The following DNM1L variants were observed in gnomAD, a reference collection of about 807,000 sequenced individuals.
The protein encoded by DNM1L is dynamin 1L.
DNM1L carries 33 observed loss-of-function variants against 92.8 expected under a neutral mutation model. That is an observed-to-expected ratio of 0.36 (90% CI 0.27 to 0.48). The LOEUF (loss-of-function observed/expected upper bound fraction) is 0.48, where lower values mean the gene tolerates loss of function less well. DNM1L is among the 20% of genes least tolerant of loss of function. The pLI, the probability that DNM1L is intolerant of heterozygous loss-of-function variation, is 0.99. For missense variants in DNM1L, 485 were observed against 888.8 expected, an observed-to-expected ratio of 0.55 and a Z score of 5.78; for synonymous variants, 284 against 305.0, an observed-to-expected ratio of 0.93 and a Z score of 0.72.
intron 9 of DNM1L, chr12:32,726,499 C>T (rs1954153711): frequency 1.9e-6 from 2 of 1,062,146 alleles, no homozygotes; most frequent in African/African-American, 3.1e-5. Flanking sequence ...TCATACTCAT[C>T]ATCATCATCT....
At chr12:32,721,645 G>A (rs1953811464) in intron 8 of DNM1L, among the ~76,000 whole-genome samples, 1 of 152,098 alleles carries the variant, frequency 6.6e-6, no homozygotes, top group Non-Finnish European at 1.5e-5. Context: ...TTCTCCAGGG[G>A]ATTCTAGCTG....
At chr12:32,719,768 A>G (rs955968884) in intron 7 of DNM1L, among the ~76,000 whole-genome samples, 4 of 152,154 alleles carry the variant, frequency 2.6e-5, no homozygotes, top group African/African-American at 4.8e-5. Context: ...ACTGTGAGCA[A>G]TTTGCAAATG....
In DNM1L at chr12:32,731,218, A is replaced by G. The variant is rs1592662447; in HGVS notation, c.1200+84A>G. 6.3e-7 allele frequency: 1 copy of G among 1,596,852 alleles called. No homozygotes were observed. Among genetic ancestry groups the G allele is most frequent in the East Asian group, 2.2e-5 (1 of 44,750 alleles). ...CATATACTGTGTCTTTTTAAATTTA[A>G]TTATACAGTTTATTTTGCTCTCATA... On this transcript the variant is annotated intron_variant, in intron 10 of 19. Coordinates refer to ENST00000549701, the MANE Select transcript of DNM1L (RefSeq NM_012062.5). The surrounding 1 kb of genome is among the most constrained non-coding windows in gnomAD (Gnocchi z 5.1).
At chr12:32,721,200 C>G (rs997771523) in intron 8 of DNM1L, among the ~76,000 whole-genome samples, 2 of 152,114 alleles carry the variant, frequency 1.3e-5, no homozygotes, top group African/African-American at 4.8e-5. Flanking sequence ...AATAGAATGT[C>G]TTTTATTTCT....
At chr12:32,693,926 A>C (rs1045147664) in intron 1 of DNM1L, among the ~76,000 whole-genome samples, 1 of 152,104 alleles carries the variant, frequency 6.6e-6, no homozygotes, top group Non-Finnish European at 1.5e-5. Context: ...GGCATGTGCC[A>C]CCTCGCCTGG....
intron 1 of DNM1L, among the ~76,000 whole-genome samples, chr12:32,689,720 G>C (rs1952161913): frequency 6.6e-6 from 1 of 152,092 alleles, no homozygotes; most frequent in African/African-American, 2.4e-5. Flanking sequence ...GTTGAATAAG[G>C]GATCAGCTTT....
At chr12:32,722,890 T>C (rs1953872710) in intron 9 of DNM1L, 1 of 161,004 alleles carries the variant, frequency 6.2e-6, no homozygotes, top group Non-Finnish European at 1.3e-5. Flanking sequence ...TTATAAGTAT[T>C]TAATAAGTAT....
At chr12:32,733,688 A>G (rs1361796738) in intron 12 of DNM1L, 27 bp from the exon 13 acceptor site, 10 of 1,579,626 alleles carry the variant, frequency 6.3e-6, no homozygotes, top group Admixed American at 1.7e-5. Context: ...GTATTTTTGT[A>G]TATCGCCTAA....
Position 32,740,249 on chromosome 12 carries a change from T to C in DNM1L, c.1884+9T>C. On this transcript the variant is annotated intron_variant, in intron 17 of 19. Coordinates refer to ENST00000549701, the MANE Select transcript of DNM1L (RefSeq NM_012062.5). ...TGAACCTGCTAGATGTGGTAAGCCATGACAATTTGGTTTAGGTAATAAGGT... is the reference window on the plus strand; with the variant it reads ...TGAACCTGCTAGATGTGGTAAGCCACGACAATTTGGTTTAGGTAATAAGGT... 1.2e-6 allele frequency: 2 copies of C among 1,614,192 alleles called. No individual in the cohort carries two copies. Among genetic ancestry groups the C allele is most frequent in the South Asian group, 1.1e-5 (1 of 91,084 alleles).
In DNM1L at chr12:32,745,184, A is replaced by G. The variant is rs575290395; in HGVS notation, c.*1774A>G. The G allele has an allele frequency of 6.7e-5, 17 of 252,408 alleles. No individual in the cohort carries two copies. Among genetic ancestry groups the G allele is most frequent in the Non-Finnish European group, 1.3e-4 (17 of 128,164 alleles). 15.6% of individuals were successfully genotyped at this position (252,408 alleles called of 1,614,324 possible). On this transcript the variant is annotated 3_prime_UTR_variant, in exon 20 of 20. Transcript: ENST00000549701. ...AAAACGTTTGTTACCACACTTAAAA[A>G]TCACTGCCATCATTAAGCATCAGTT...
intron 6 of DNM1L, among the ~76,000 whole-genome samples, chr12:32,715,857 TTTC>T (rs1460616183): frequency 1.3e-5 from 2 of 152,206 alleles, no homozygotes; most frequent in Non-Finnish European, 1.5e-5. Flanking sequence ...AGTCTGGCAG[TTTC>T]TTATAAAGTT....
rs746684556 is a variant in DNM1L at position 32,745,001 on chromosome 12, T to C, written c.*1591T>C. The C allele has an allele frequency of 1.9e-6, 1 of 517,482 alleles. No individual in the cohort carries two copies. The highest frequency in any genetic ancestry group is 1.4e-5 in the South Asian group (1 of 71,024). The allele number at this position is 517,482 out of a possible 1,614,324, so 32.1% of individuals were successfully genotyped here. ...TATGAAGGACTATTGGCAGGGAAAA[T>C]ATGAATATGTTAACTTTAGCTTATG... On this transcript the variant is annotated 3_prime_UTR_variant, in exon 20 of 20. Transcript: ENST00000549701.
At chr12:32,743,040 C>T (rs753467813) in intron 19 of DNM1L, among the ~76,000 whole-genome samples, 21 of 151,616 alleles carry the variant, frequency 1.4e-4, no homozygotes, top group South Asian at 4.2e-4. Flanking sequence ...GGACTACAGG[C>T]GCCCACCACC....
At chr12:32,742,249 C>T (rs1209889763) in intron 18 of DNM1L, among the ~76,000 whole-genome samples, 21 of 152,134 alleles carry the variant, frequency 1.4e-4, no homozygotes, top group Admixed American at 1.4e-3. Flanking sequence ...GGATCACAGG[C>T]ATGTGCCACC....
At chr12:32,712,132 T>G (rs1256137936) in intron 5 of DNM1L, among the ~76,000 whole-genome samples, 4 of 152,220 alleles carry the variant, frequency 2.6e-5, no homozygotes, top group Non-Finnish European at 5.9e-5. Context: ...TGATCTCATC[T>G]TAGTAGACAG....
At chr12:32,700,564 T>C (rs974571634) in intron 1 of DNM1L, among the ~76,000 whole-genome samples, 2 of 151,736 alleles carry the variant, frequency 1.3e-5, no homozygotes, top group Non-Finnish European at 2.9e-5. Context: ...CTAGGCAACA[T>C]GGCAAAGCCC....
chr12:32,702,161 G>A (rs1206630076), intron 2 of DNM1L, among the ~76,000 whole-genome samples: 2 of 149,168 alleles, frequency 1.3e-5, no homozygotes, highest in Non-Finnish European at 3.0e-5. Context: ...TTGAACCCAG[G>A]AGGCAGAGGT....
intron 7 of DNM1L, among the ~76,000 whole-genome samples, chr12:32,719,616 C>G (rs1166063426): frequency 6.6e-6 from 1 of 150,530 alleles, no homozygotes; most frequent in Non-Finnish European, 1.5e-5. Flanking sequence ...TTGGTTTAAT[C>G]CCTAGCATTA....
At chr12:32,712,381 C>T (rs1008394808) in intron 5 of DNM1L, among the ~76,000 whole-genome samples, 7 of 152,106 alleles carry the variant, frequency 4.6e-5, no homozygotes, top group Non-Finnish European at 8.8e-5. Flanking sequence ...TATGTTATTG[C>T]TCCCTTATTG....
Sources: allele counts gnomAD v4.1 joint callset (sites outside exome capture counted in the v4.1 genomes callset), GRCh38; gene constraint gnomAD v4.1.1; non-coding constraint Gnocchi (gnomAD v3.1); transcripts MANE v1.5; gene names NCBI Gene and HGNC (gene_info 2026-07-23, HGNC 2026-07-21).